Variants in MICU2 observed in about 807,000 individuals in gnomAD.
The protein encoded by MICU2 is mitochondrial calcium uptake 2.
MICU2 carries 64 observed loss-of-function variants against 60.4 expected under a neutral mutation model. The ratio of observed to expected loss-of-function variants is 1.06; its 90% CI spans 0.87 to 1.31. MICU2 has a LOEUF of 1.31. MICU2 is among the 50% of genes most tolerant of loss of function. The pLI is 0.00. For synonymous variants in MICU2, 201 were observed against 175.0 expected (o/e 1.15, Z -1.17); for missense variants, 569 against 531.0 (o/e 1.07, Z -0.70).
intron 8 of MICU2, among the ~76,000 whole-genome samples, chr13:21,508,166 C>T (rs567777855): frequency 1.3e-5 from 2 of 151,032 alleles, no homozygotes; most frequent in African/African-American, 4.9e-5. Flanking sequence ...CGCTCTGTCA[C>T]CCAGGCTGGA....
chr13:21,514,873 T>G (rs1024277358), intron 6 of MICU2, among the ~76,000 whole-genome samples: 6 of 151,992 alleles, frequency 3.9e-5, no homozygotes, highest in Non-Finnish European at 5.9e-5. Flanking sequence ...TCTTTTTCTC[T>G]TAGACAATGC....
rs534673489 is a variant in MICU2 at position 21,552,174 on chromosome 13, C to T, written c.359-12486G>A. 7.9e-5 allele frequency among the ~76,000 whole-genome samples: 12 copies of T among 152,326 alleles called. No homozygotes were observed. The South Asian group carries it at 2.3e-3, about 29-fold the overall frequency. On this transcript the variant is annotated intron_variant, in intron 2 of 11. Coordinates refer to ENST00000382374, the MANE Select transcript of MICU2 (RefSeq NM_152726.3). ...CATTGTGGTTTTCATTTGCATTTCT[C>T]TGATGGCCAGTTTTGATGAGCATTT...
At chr13:21,542,044 AAAGAC>A (rs1887295759) in intron 2 of MICU2, among the ~76,000 whole-genome samples, 1 of 152,178 alleles carries the variant, frequency 6.6e-6, no homozygotes, top group African/African-American at 2.4e-5. Flanking sequence ...ATTAAAAAAA[AAAGAC>A]AAGGCAAAGA....
chr13:21,531,985 T>C (rs1445944854), intron 4 of MICU2, among the ~76,000 whole-genome samples: 2 of 152,188 alleles, frequency 1.3e-5, no homozygotes, highest in African/African-American at 2.4e-5. Context: ...TCCTGACTTC[T>C]GGATGTGACA....
intron 2 of MICU2, among the ~76,000 whole-genome samples, chr13:21,552,736 T>C (rs973295559): frequency 3.9e-5 from 6 of 152,220 alleles, no homozygotes; most frequent in African/African-American, 1.4e-4. Context: ...GATCACATAG[T>C]TGTAGATAGG....
chr13:21,563,312 G>A (rs1036477866), intron 2 of MICU2, among the ~76,000 whole-genome samples: 2 of 151,952 alleles, frequency 1.3e-5, no homozygotes, highest in Admixed American at 6.6e-5. Context: ...AAAATTAGTC[G>A]GGCGTGGTGG....
chr13:21,571,052 C>T (rs921149697), intron 1 of MICU2, among the ~76,000 whole-genome samples: 18 of 152,168 alleles, frequency 1.2e-4, no homozygotes, highest in Admixed American at 8.5e-4. Context: ...CGTGTGCGTG[C>T]TCTCTCTTTT....
intron 2 of MICU2, among the ~76,000 whole-genome samples, chr13:21,555,694 C>G (rs1176563933): frequency 6.6e-6 from 1 of 152,094 alleles, no homozygotes; most frequent in African/African-American, 2.4e-5. Flanking sequence ...CTCAATCCAT[C>G]AACTCTCTCA....
chr13:21,524,149 T>TATA (rs1305388392), intron 4 of MICU2, among the ~76,000 whole-genome samples: 3 of 152,168 alleles, frequency 2.0e-5, no homozygotes, highest in African/African-American at 7.2e-5. Context: ...AAAAGATTGG[T>TATA]ATAATAGCAA....
chr13:21,603,136 CG>C (rs536432154), intron 1 of MICU2, among the ~76,000 whole-genome samples: 8 of 140,944 alleles, frequency 5.7e-5, no homozygotes, highest in Non-Finnish European at 1.2e-4. Context: ...TAGTAGAGAC[CG>C]GGGGGGCGGG....
chr13:21,522,729 C>G, intron 4 of MICU2, 79 bp from the exon 5 acceptor site: 1 of 1,099,736 alleles, frequency 9.1e-7, no homozygotes, highest in Non-Finnish European at 1.3e-6. Context: ...TGAAATTTCA[C>G]CTAATTAAAA....
At chr13:21,502,405 C>T (rs1342719311) in intron 9 of MICU2, among the ~76,000 whole-genome samples, 8 of 152,032 alleles carry the variant, frequency 5.3e-5, no homozygotes, top group East Asian at 1.9e-4. Context: ...TCATACATCT[C>T]GTATATATAT....
At position 21,572,547 on chromosome 13, in the gene MICU2, T is replaced by C. The variant is rs139560043; in HGVS notation, c.211-5603A>G. On this transcript the variant is annotated intron_variant, in intron 1 of 11. Transcript: ENST00000382374. ...ATTATCAGTGTAGAATTTAACACAC[T>C]TTAGTTTTAGGAGCTAGACTTAGAC... 2.5e-4 allele frequency among the ~76,000 whole-genome samples: 38 copies of C among 152,310 alleles called. 2 individuals carry two copies. In the East Asian group the frequency reaches 7.3e-3, roughly 29 times the overall value.
At chr13:21,563,739 T>C (rs1887907325) in intron 2 of MICU2, among the ~76,000 whole-genome samples, 1 of 152,164 alleles carries the variant, frequency 6.6e-6, no homozygotes, top group African/African-American at 2.4e-5. Flanking sequence ...TTGGGAAGTT[T>C]CTATTGACAT....
chr13:21,572,261 C>T (rs540045300), intron 1 of MICU2, among the ~76,000 whole-genome samples: 42 of 152,232 alleles, frequency 2.8e-4, no homozygotes, highest in Non-Finnish European at 4.7e-4. Context: ...ACGCTGTGTC[C>T]GGGAAAAACA....
intron 9 of MICU2, among the ~76,000 whole-genome samples, chr13:21,497,233 T>C (rs1439064558): frequency 2.0e-5 from 3 of 147,440 alleles, no homozygotes; most frequent in African/African-American, 7.6e-5. Context: ...GGTGTGGTGG[T>C]GCACACCTGT....
At chr13:21,602,407 A>C (rs1888842347) in intron 1 of MICU2, among the ~76,000 whole-genome samples, 1 of 152,178 alleles carries the variant, frequency 6.6e-6, no homozygotes, top group East Asian at 1.9e-4. Flanking sequence ...CTGTAGTCCC[A>C]GCTACTCGGG....
At chr13:21,508,370 C>CT (rs1384087808) in intron 8 of MICU2, among the ~76,000 whole-genome samples, 2 of 152,152 alleles carry the variant, frequency 1.3e-5, no homozygotes, top group African/African-American at 2.4e-5. Flanking sequence ...CGTGATCCAC[C>CT]ACCTCGGCCT....
chr13:21,517,756 G>A (rs1886605437), intron 6 of MICU2, among the ~76,000 whole-genome samples: 1 of 149,502 alleles, frequency 6.7e-6, no homozygotes, highest in Non-Finnish European at 1.5e-5. Context: ...CTCCAGCCTG[G>A]GTGACAGAGC....
Sources: allele counts gnomAD v4.1 joint callset (sites outside exome capture counted in the v4.1 genomes callset), GRCh38; gene constraint gnomAD v4.1.1; transcripts MANE v1.5; gene names NCBI Gene and HGNC (gene_info 2026-07-23, HGNC 2026-07-21).